The following ITGB8 variants were observed in gnomAD, a reference collection of about 807,000 sequenced individuals.
ITGB8 encodes integrin subunit beta 8.
ITGB8 carries 30 observed loss-of-function variants against 89.5 expected under a neutral mutation model. That is an observed-to-expected ratio of 0.34 (90% confidence interval 0.25 to 0.45). ITGB8 has a LOEUF of 0.45. ITGB8 is among the 20% of genes least tolerant of loss of function. ITGB8 has a pLI of 1.00. For synonymous variants in ITGB8, 335 were observed against 320.4 expected, an observed-to-expected ratio of 1.05 and a Z score of -0.49; for missense variants, 836 against 933.3, an observed-to-expected ratio of 0.90 and a Z score of 1.36.
At chr7:20,395,113 C>A (rs1451389705) in intron 8 of ITGB8, 128 bp downstream of exon 8, 3 of 597,850 alleles carry the variant, frequency 5.0e-6, no homozygotes, top group Non-Finnish European at 8.8e-6. Flanking sequence ...AATTAGGAAT[C>A]TGAAGTTCAT....
intron 9 of ITGB8, among the ~76,000 whole-genome samples, chr7:20,400,640 A>G (rs1787271752): frequency 6.6e-6 from 1 of 152,214 alleles, no homozygotes; most frequent in African/African-American, 2.4e-5. Flanking sequence ...GAGCCAACAA[A>G]TATAAATAGA....
chr7:20,331,387 G>A lies in ITGB8; in HGVS notation c.-420G>A, dbSNP rs1784385789. The A allele has an allele frequency of 5.0e-6, 2 of 397,836 alleles. No individual in the cohort carries two copies. Among genetic ancestry groups the A allele is most frequent in the East Asian group, 3.6e-5 (1 of 27,972 alleles). The allele number at this position is 397,836 out of a possible 1,614,324, so 24.6% of individuals were successfully genotyped here. A position where few individuals can be genotyped will look rare whatever the true frequency, so the allele number is the denominator to read the frequency against. On this transcript the variant is annotated 5_prime_UTR_variant, in exon 1 of 14. Coordinates refer to ENST00000222573, the MANE Select transcript of ITGB8 (RefSeq NM_002214.3). ...TTAGGGTGGTTTCCCCCCCAGCTTC[G>A]GGCTTTGTTTGGGTTTGATTGTGTT...
chr7:20,391,477 A>G lies in ITGB8; in HGVS notation c.1035A>G (p.Gly345=). 6.3e-7 allele frequency: 1 copy of G among 1,592,070 alleles called. No homozygotes were observed. The highest frequency in any genetic ancestry group is 2.3e-5 in the East Asian group (1 of 44,348). Residue 345 remains glycine (G), a synonymous_variant, in exon 7 of 14, where the codon GGA becomes GGG. Transcript: ENST00000222573. ...NNINVIFAVQ[G]KQFHWYKDLL... ...TTAATGTCATCTTTGCAGTTCAAGG[A>G]AAACAATTTCATTGGTATAAGGTAT...
Position 20,331,848 on chromosome 7 carries a change from C to A in ITGB8, c.42C>A (p.Val14=). 6.2e-7 allele frequency: 1 copy of A among 1,613,846 alleles called. No homozygotes were observed. Among genetic ancestry groups the A allele is most frequent in the Non-Finnish European group, 8.5e-7 (1 of 1,180,038 alleles). Residue 14 remains valine (V), a synonymous_variant, in exon 1 of 14, where the codon GTC becomes GTA. Coordinates refer to ENST00000222573, the MANE Select transcript of ITGB8 (RefSeq NM_002214.3). ...TGGCTTTTTTTACCGCTGCATTTGT[C>A]TGCCTGCAAAACGACCGGCGAGGTC... ...SALAFFTAAF[V]CLQNDRRGPA...
intron 1 of ITGB8, among the ~76,000 whole-genome samples, chr7:20,332,289 C>T (rs1025412358): frequency 1.3e-5 from 2 of 152,176 alleles, no homozygotes; most frequent in African/African-American, 2.4e-5. Flanking sequence ...AATGTTCTCC[C>T]TATCTTTCTA....
intron 6 of ITGB8, among the ~76,000 whole-genome samples, chr7:20,387,410 G>A (rs191331809): frequency 6.6e-6 from 1 of 152,194 alleles, no homozygotes; most frequent in Non-Finnish European, 1.5e-5. Flanking sequence ...CTGAGTGGTA[G>A]ATACTAGTGT....
At chr7:20,392,014 A>C (rs1401155464) in intron 7 of ITGB8, among the ~76,000 whole-genome samples, 1 of 152,164 alleles carries the variant, frequency 6.6e-6, no homozygotes, top group Non-Finnish European at 1.5e-5. Flanking sequence ...CTTCACACAT[A>C]AGAATAATCT....
In ITGB8 at chr7:20,410,092, T is replaced by A; in HGVS notation, c.*95T>A. On this transcript the variant is annotated 3_prime_UTR_variant, in exon 14 of 14. Transcript: ENST00000222573. ...AAAGTCACAGGAGGAGACAAATTGCTCACGGTCATGCCAGTTGCTGGTTGT... is the reference window on the plus strand; with the variant it reads ...AAAGTCACAGGAGGAGACAAATTGCACACGGTCATGCCAGTTGCTGGTTGT... 7.8e-7 allele frequency: 1 copy of A among 1,280,572 alleles called. No individual in the cohort carries two copies. Among genetic ancestry groups the A allele is most frequent in the South Asian group, 1.4e-5 (1 of 70,850 alleles). 79.3% of individuals were successfully genotyped at this position (1,280,572 alleles called of 1,614,324 possible).
intron 10 of ITGB8, among the ~76,000 whole-genome samples, chr7:20,403,173 T>C (rs3823974): frequency 0.35 from 52,874 of 152,162 alleles, 10,037 homozygotes; most frequent in Non-Finnish European, 0.42. Flanking sequence ...AATATCTTAA[T>C]ATACAAACAT....
At chr7:20,349,962 A>C (rs1785057997) in intron 1 of ITGB8, among the ~76,000 whole-genome samples, 2 of 152,242 alleles carry the variant, frequency 1.3e-5, no homozygotes, top group Admixed American at 6.5e-5. Flanking sequence ...GTACCACTAC[A>C]GTCAACGTAC....
In ITGB8 at chr7:20,330,933, G is replaced by A. The variant is rs994648961; in HGVS notation, c.-874G>A. 1 of 152,378 alleles carries A rather than the reference G, an allele frequency of 6.6e-6. No homozygotes were observed. Among genetic ancestry groups the A allele is most frequent in the Non-Finnish European group, 1.5e-5 (1 of 68,152 alleles). The allele number at this position is 152,378 out of a possible 1,614,324, so 9.4% of individuals were successfully genotyped here. A position where few individuals can be genotyped will look rare whatever the true frequency, so the allele number is the denominator to read the frequency against. On this transcript the variant is annotated 5_prime_UTR_variant, in exon 1 of 14. Transcript: ENST00000222573. The stretch of plus-strand genomic sequence containing the variant: ...CCAGCAACTCGGGCTCTGGACTGCG[G>A]GACGCCTGAGCCGCGCACTGAGGCG...
intron 3 of ITGB8, chr7:20,377,398 G>C (rs766883118): frequency 1.3e-5 from 2 of 151,948 alleles, no homozygotes; most frequent in Admixed American, 6.5e-5. Flanking sequence ...TTTTGTCTGA[G>C]TGAAAAACAA....
intron 8 of ITGB8, among the ~76,000 whole-genome samples, chr7:20,395,324 TA>T (rs1407816074): frequency 6.6e-6 from 1 of 152,226 alleles, no homozygotes; most frequent in Non-Finnish European, 1.5e-5. Flanking sequence ...TCCTATGCCG[TA>T]ATGATAAAGT....
In ITGB8 at chr7:20,410,487, G is replaced by C. The variant is rs1787721785; in HGVS notation, c.*490G>C. The stretch of plus-strand genomic sequence containing the variant: ...GTGGTTGAATAGACAAGAACAGCTA[G>C]ATGAATAAATGATTCGTGTTTCACT... On this transcript the variant is annotated 3_prime_UTR_variant, in exon 14 of 14. Transcript: ENST00000222573. 1 of 153,580 alleles carries C rather than the reference G, an allele frequency of 6.5e-6. No individual in the cohort carries two copies. Among genetic ancestry groups the C allele is most frequent in the Non-Finnish European group, 1.4e-5 (1 of 69,078 alleles). 9.5% of individuals were successfully genotyped at this position (153,580 alleles called of 1,614,324 possible).
Position 20,331,315 on chromosome 7 carries a change from C to T in ITGB8, c.-492C>T, listed in dbSNP as rs1273778737. ...CCACAGACTTTTTTCCCCTCGACCT[C>T]GCCGGCGTCCCCTCCCACAGATCCA... is the stretch of plus-strand genomic sequence containing the variant. On this transcript the variant is annotated 5_prime_UTR_variant, in exon 1 of 14. Transcript: ENST00000222573. 3 of 381,306 alleles carry T rather than the reference C, an allele frequency of 7.9e-6. No homozygotes were observed. Among genetic ancestry groups the T allele is most frequent in the African/African-American group, 6.2e-5 (3 of 48,244 alleles). 23.6% of individuals were successfully genotyped at this position (381,306 alleles called of 1,614,324 possible). A position where few individuals can be genotyped will look rare whatever the true frequency, so the allele number is the denominator to read the frequency against.
At chr7:20,381,648 C>T in intron 5 of ITGB8, 79 bp from the exon 6 acceptor site, 2 of 1,086,886 alleles carry the variant, frequency 1.8e-6, no homozygotes, top group Non-Finnish European at 2.7e-6. Context: ...TCAACTCAAA[C>T]GTAATGTTTA....
upstream of ITGB8, chr7:20,330,823 G>A (rs1208550624): frequency 6.6e-6 from 1 of 152,248 alleles, no homozygotes; most frequent in Non-Finnish European, 1.5e-5. Flanking sequence ...GGAGCCCCCC[G>A]GGGGGCCAGA....
chr7:20,392,634 A>C (rs1371900534), intron 7 of ITGB8, among the ~76,000 whole-genome samples: 2 of 152,184 alleles, frequency 1.3e-5, no homozygotes, highest in Admixed American at 6.5e-5. Flanking sequence ...CGAATAGCAC[A>C]CATTGTACCC....
At chr7:20,342,432 T>C (rs7803763) in intron 1 of ITGB8, among the ~76,000 whole-genome samples, 81,195 of 152,108 alleles carry the variant, frequency 0.53, 22,371 homozygotes, top group South Asian at 0.72. Flanking sequence ...TCCTTAAAAG[T>C]GCAAACTCAC....
Sources: allele counts gnomAD v4.1 joint callset (sites outside exome capture counted in the v4.1 genomes callset), GRCh38; gene constraint gnomAD v4.1.1; transcripts MANE v1.5; gene names NCBI Gene and HGNC (gene_info 2026-07-23, HGNC 2026-07-21).